Variants in RBFOX1 observed in about 807,000 individuals in gnomAD.
RBFOX1 encodes RNA binding fox-1 homolog 1.
Under a neutral mutation model 57.7 loss-of-function variants are expected in RBFOX1, and 8 were observed. The observed-to-expected ratio is 0.14, with a 90% CI of 0.08 to 0.25. The LOEUF (loss-of-function observed/expected upper bound fraction) is 0.25. Among genes scored for constraint, RBFOX1 ranks in the 10% least tolerant of loss-of-function variants. RBFOX1 has a pLI of 1.00. For missense variants in RBFOX1, 611 were observed against 548.5 expected (o/e 1.11, Z -1.14); for synonymous variants, 326 against 222.4 (o/e 1.47, Z -4.15).
At chr16:7,051,609 C>T (rs553466494) in intron 3 of RBFOX1, among the ~76,000 whole-genome samples, 5 of 152,336 alleles carry the variant, frequency 3.3e-5, no homozygotes, top group South Asian at 2.1e-4. Context: ...CAAGGCATGA[C>T]AACTGACACT....
At chr16:6,450,801 G>GTATATA (rs1186562440) in intron 2 of RBFOX1, among the ~76,000 whole-genome samples, 9 of 16,460 alleles carry the variant, frequency 5.5e-4, no homozygotes, top group African/African-American at 2.1e-3. Context: ...ATATATATAT[G>GTATATA]TATATATATA....
chr16:6,267,370 G>A (rs545582334), intron 1 of RBFOX1, among the ~76,000 whole-genome samples: 8 of 152,240 alleles, frequency 5.3e-5, no homozygotes, highest in Non-Finnish European at 7.4e-5. Flanking sequence ...GATAAACCCC[G>A]ATTTCACTAT....
intron 4 of RBFOX1, among the ~76,000 whole-genome samples, chr16:7,193,286 C>T (rs1218551275): frequency 6.6e-6 from 1 of 152,118 alleles, no homozygotes; most frequent in Non-Finnish European, 1.5e-5. Flanking sequence ...AAGCCATGAG[C>T]CAAAAGCAGC....
chr16:6,301,786 A>G (rs2078850225), intron 1 of RBFOX1, among the ~76,000 whole-genome samples: 1 of 152,204 alleles, frequency 6.6e-6, no homozygotes, highest in Admixed American at 6.5e-5. Context: ...TGGACCCAAA[A>G]CATGAGGCTT....
chr16:5,494,025 G>A (rs2042919570), intron 2 of RBFOX1, among the ~76,000 whole-genome samples: 1 of 152,194 alleles, frequency 6.6e-6, no homozygotes, highest in Admixed American at 6.5e-5. Flanking sequence ...GAAGACTCAC[G>A]AGGTGATTTA....
rs559363233 is a variant in RBFOX1, at chr16:5,908,109, T to C, written c.351+40774T>C. Among the ~76,000 whole-genome samples, 101 of 139,278 alleles carry C rather than the reference T, an allele frequency of 7.3e-4. 3 individuals carry two copies. Among genetic ancestry groups the C allele is most frequent in the African/African-American group, 2.2e-3 (73 of 32,742 alleles). The allele number at this position is 139,278 out of a possible 152,430, so 91.4% of individuals were successfully genotyped here. On this transcript the variant is annotated intron_variant, in intron 4 of 19. Coordinates refer to the RBFOX1 transcript ENST00000641259. Reference sequence around the variant, plus strand: ...ATACACATATATACACATATATATATACACATATATACACATATATATATA... The same window carrying C: ...ATACACATATATACACATATATATACACACATATATACACATATATATATA...
intron 1 of RBFOX1, among the ~76,000 whole-genome samples, chr16:6,220,956 CTG>C (rs200964435): frequency 8.6e-5 from 13 of 151,318 alleles, no homozygotes; most frequent in African/African-American, 2.7e-4. Context: ...ATACTTCACT[CTG>C]TGTGTGTGTG....
intron 1 of RBFOX1, among the ~76,000 whole-genome samples, chr16:6,029,619 A>G (rs2095258217): frequency 2.0e-5 from 3 of 152,098 alleles, no homozygotes; most frequent in Admixed American, 2.0e-4. Flanking sequence ...TAAAAATACA[A>G]AAAATTAGCC....
chr16:7,139,444 C>G (rs931941843), intron 4 of RBFOX1, among the ~76,000 whole-genome samples: 2 of 152,064 alleles, frequency 1.3e-5, no homozygotes, highest in Non-Finnish European at 2.9e-5. Context: ...TCCTATATAC[C>G]TACCTGTTTG....
intron 1 of RBFOX1, among the ~76,000 whole-genome samples, chr16:6,104,491 A>C (rs1826813820): frequency 6.6e-6 from 1 of 152,196 alleles, no homozygotes; most frequent in South Asian, 2.1e-4. Flanking sequence ...AATTATCTTT[A>C]GAAAATTTAC....
chr16:7,476,375 C>T (rs919685900), intron 4 of RBFOX1, among the ~76,000 whole-genome samples: 30 of 152,290 alleles, frequency 2.0e-4, no homozygotes, highest in African/African-American at 6.5e-4. Context: ...ATCTGGAATA[C>T]GTGAAGATTT....
chr16:6,526,092 G>T (rs924358581), intron 2 of RBFOX1, among the ~76,000 whole-genome samples: 2 of 152,140 alleles, frequency 1.3e-5, no homozygotes, highest in Non-Finnish European at 2.9e-5. Flanking sequence ...TTGGATGTGC[G>T]ATAGGGTAAG....
chr16:6,602,713 A>T (rs1385937982), intron 2 of RBFOX1, among the ~76,000 whole-genome samples: 4 of 152,190 alleles, frequency 2.6e-5, no homozygotes, highest in African/African-American at 9.7e-5. Flanking sequence ...CAGGCTCAAG[A>T]TGAGCTGGAA....
intron 2 of RBFOX1, among the ~76,000 whole-genome samples, chr16:6,450,803 A>G (rs1240867992): frequency 0.035 from 355 of 10,276 alleles, 41 homozygotes; most frequent in African/African-American, 0.18. Flanking sequence ...ATATATATGT[A>G]TATATATATA....
At chr16:7,120,919 A>G (rs2067034053) in intron 4 of RBFOX1, among the ~76,000 whole-genome samples, 1 of 151,638 alleles carries the variant, frequency 6.6e-6, no homozygotes, top group Non-Finnish European at 1.5e-5. Flanking sequence ...TAGCATGACC[A>G]CATAGTATTA....
intron 1 of RBFOX1, among the ~76,000 whole-genome samples, chr16:5,405,156 T>C (rs2066829383): frequency 6.6e-6 from 1 of 152,210 alleles, no homozygotes; most frequent in South Asian, 2.1e-4. Flanking sequence ...GGCTCCTCAC[T>C]GCTGTGTGGT....
At chr16:6,844,757 G>C (rs549837123) in intron 3 of RBFOX1, among the ~76,000 whole-genome samples, 1 of 152,130 alleles carries the variant, frequency 6.6e-6, no homozygotes, top group Non-Finnish European at 1.5e-5. Flanking sequence ...TTGAGGAATT[G>C]TTAGACCATC....
Position 5,629,389 on chromosome 16 carries a change from C to T in RBFOX1, c.318+30428C>T, listed in dbSNP as rs559590246. Among the ~76,000 whole-genome samples the T allele has an allele frequency of 2.0e-5, 3 of 152,326 alleles. No individual in the cohort carries two copies. In the East Asian group the frequency reaches 5.8e-4, roughly 29 times the overall value. ...CCCACACAGCTCTGCCGTGGTCAACCAGGACTGCCAGTGGTATAAATCCTT... is the reference window on the plus strand; with the variant it reads ...CCCACACAGCTCTGCCGTGGTCAACTAGGACTGCCAGTGGTATAAATCCTT... On this transcript the variant is annotated intron_variant, in intron 3 of 19. Transcript: ENST00000641259.
At chr16:7,054,214 G>GGT (rs1491190307) in intron 4 of RBFOX1, among the ~76,000 whole-genome samples, 1 of 6,342 alleles carries the variant, frequency 1.6e-4, no homozygotes, top group African/African-American at 8.2e-4. Context: ...TTTTTTTTTC[G>GGT]GGGGGGGGGG....
Sources: gnomAD v4.1 joint callset for allele counts (sites outside exome capture counted in the v4.1 genomes callset) on GRCh38, gnomAD v4.1.1 for gene constraint, MANE v1.5 for transcripts, NCBI Gene and HGNC (gene_info 2026-07-23, HGNC 2026-07-21) for gene names.